The following AASS variants were observed in gnomAD, a reference collection of about 807,000 sequenced individuals.
AASS encodes aminoadipate-semialdehyde synthase.
In AASS, 86 loss-of-function variants were observed where a neutral mutation model predicts 105.4. The observed-to-expected ratio is 0.82, with a 90% CI of 0.69 to 0.98. The LOEUF is 0.98. Among genes scored for constraint, AASS ranks in the 50% least tolerant of loss-of-function variants. The pLI is 0.00. For missense variants in AASS, 1,048 were observed against 1,143.2 expected (o/e 0.92, Z 1.20); for synonymous variants, 381 against 394.8 (o/e 0.96, Z 0.41).
rs201661225 is a variant in AASS at position 122,129,425 on chromosome 7, A to G, written c.323T>C (p.Phe108Ser). The G allele has an allele frequency of 8.1e-6, 13 of 1,613,272 alleles. No individual in the cohort carries two copies. The highest frequency in any genetic ancestry group is 2.7e-5 in the African/African-American group (2 of 74,902). Reference protein sequence around the residue: ...EKLMSRKTYAFFSHTIKAQEA... With the variant: ...EKLMSRKTYASFSHTIKAQEA... ...CTGAGCTTTTATTGTGTGGGAGAAA[A>G]ATGCATAAGTCTTCCTGGACATTAA... Residue 108 changes from phenylalanine to serine, a missense_variant, in exon 3 of 24, where the codon TTT (phenylalanine) becomes TCT (serine). Physicochemically the swap from Phe to Ser is radical, Grantham distance 155. Coordinates refer to ENST00000417368, the MANE Select transcript of AASS (RefSeq NM_005763.4).
In AASS at chr7:122,076,192, A is replaced by C. The variant is rs556870900; in HGVS notation, c.*297T>G. 87 of 321,070 alleles carry C rather than the reference A, an allele frequency of 2.7e-4. No individual in the cohort carries two copies. Among genetic ancestry groups the C allele is most frequent in the Admixed American group, 5.6e-4 (12 of 21,246 alleles). The allele number at this position is 321,070 out of a possible 1,614,324, so 19.9% of individuals were successfully genotyped here. A position where few individuals can be genotyped will look rare whatever the true frequency, so the allele number is the denominator to read the frequency against. On this transcript the variant is annotated 3_prime_UTR_variant, in exon 24 of 24. Transcript: ENST00000417368. ...CCATCTCAAAAAACAACAACAACAA[A>C]AAAAAAACAAAAGAAAAAAAGTGGC...
At chr7:122,114,149 C>T (rs1451544971) in intron 9 of AASS, among the ~76,000 whole-genome samples, 1 of 152,134 alleles carries the variant, frequency 6.6e-6, no homozygotes, top group Non-Finnish European at 1.5e-5. Context: ...GTCCAGCATT[C>T]AAAAAGTTGA....
rs763650407 is a variant in AASS, at chr7:122,093,058, A to G, written c.1756T>C (p.Leu586=). 5 of 1,613,710 alleles carry G rather than the reference A, an allele frequency of 3.1e-6. No individual in the cohort carries two copies. The highest frequency in any genetic ancestry group is 2.2e-5 in the South Asian group (2 of 91,088). The change falls in exon 16 of 24, where the codon TTG becomes CTG. Residue 586 remains leucine (L), a synonymous_variant. Transcript: ENST00000417368. The part of the protein sequence containing the change: ...ASYITPALKE[L]EKSVEDAGIT... ...ATGATTAAAACTTACCTCTTTTCCA[A>G]TTCTTTTAGTGCTGGTGTGATGTAG...
chr7:122,074,595 C>T lies in AASS; in HGVS notation c.*1894G>A, dbSNP rs966756195. Among the ~76,000 whole-genome samples the T allele has an allele frequency of 1.3e-5, 2 of 152,094 alleles. No individual in the cohort carries two copies. Among genetic ancestry groups the T allele is most frequent in the South Asian group, 2.1e-4 (1 of 4,828 alleles). ...TTACGCCATGTTTTCTTTGAAGATA[C>T]TTACAATATTAGCTCTTACATTTAG... On this transcript the variant is annotated 3_prime_UTR_variant, in exon 24 of 24. Transcript: ENST00000417368.
rs867219292 is a variant in AASS at position 122,076,750 on chromosome 7, C to T, written c.2663-143G>A. 61 of 692,950 alleles carry T rather than the reference C, an allele frequency of 8.8e-5. No individual in the cohort carries two copies. In the Middle Eastern group the frequency reaches 1.4e-3, roughly 16 times the overall value. 42.9% of individuals were successfully genotyped at this position (692,950 alleles called of 1,614,324 possible). A position where few individuals can be genotyped will look rare whatever the true frequency, so the allele number is the denominator to read the frequency against. On this transcript the variant is annotated intron_variant, in intron 23 of 23. Coordinates refer to ENST00000417368, the MANE Select transcript of AASS (RefSeq NM_005763.4). Reference sequence around the variant, plus strand: ...CATTTTTTAAGTAGCTGCTTAAAAACGTCCCTTAGTAAATTATTACTTATT... The same window carrying T: ...CATTTTTTAAGTAGCTGCTTAAAAATGTCCCTTAGTAAATTATTACTTATT...
chr7:122,119,270 G>C (rs1293367284), intron 4 of AASS, among the ~76,000 whole-genome samples: 1 of 152,044 alleles, frequency 6.6e-6, no homozygotes, highest in African/African-American at 2.4e-5. Flanking sequence ...TCACCCTCAG[G>C]ATTATGTCCT....
At position 122,086,059 on chromosome 7, in the gene AASS, C is replaced by T. The variant is rs1048008741; in HGVS notation, c.2137G>A (p.Gly713Ser). 6.2e-7 allele frequency: 1 copy of T among 1,613,558 alleles called. No homozygotes were observed. Among genetic ancestry groups the T allele is most frequent in the African/African-American group, 1.3e-5 (1 of 74,938 alleles). The change falls in exon 19 of 24, where the codon GGC (glycine) becomes AGC (serine). Residue 713 changes from glycine to serine, a missense_variant. Gly to Ser is a moderately conservative substitution (Grantham distance 56, BLOSUM62 0). Transcript: ENST00000417368. ...RDSTKYAEIY[G>S]ISSAHTLLRG... Reference sequence around the variant, plus strand: ...AACAAAGTGTGAGCAGAAGAAATGCCATAAATCTCAGCATATTTCGTACTG... The same window carrying T: ...AACAAAGTGTGAGCAGAAGAAATGCTATAAATCTCAGCATATTTCGTACTG...
intron 9 of AASS, among the ~76,000 whole-genome samples, chr7:122,113,958 G>C (rs950459471): frequency 6.9e-6 from 1 of 144,554 alleles, no homozygotes; most frequent in Admixed American, 6.9e-5. Flanking sequence ...AGAAAGAAAA[G>C]AAAAAAGGAA....
At chr7:122,082,812 G>A in intron 19 of AASS, 2 of 1,289,296 alleles carry the variant, frequency 1.6e-6, no homozygotes, top group Non-Finnish European at 2.0e-6. Flanking sequence ...GTGGTTCAAG[G>A]GGAAGGAGTT....
Position 122,099,846 on chromosome 7 carries a change from G to A in AASS, c.1407-980C>T, listed in dbSNP as rs558142984. The stretch of plus-strand genomic sequence containing the variant: ...CCAACACACATATTACTGATGTGAA[G>A]AGGTCTCATTTAACTACTACCATCT... On this transcript the variant is annotated intron_variant, in intron 13 of 23. Transcript: ENST00000417368. Among the ~76,000 whole-genome samples the A allele has an allele frequency of 1.7e-3, 257 of 151,896 alleles. 1 individual carries two copies. The highest frequency in any genetic ancestry group is 3.1e-3 in the Non-Finnish European group (213 of 67,804).
Position 122,118,393 on chromosome 7 carries a change from C to A in AASS, c.601G>T (p.Ala201Ser). 11 of 1,614,174 alleles carry A rather than the reference C, an allele frequency of 6.8e-6. No homozygotes were observed. Among genetic ancestry groups the A allele is most frequent in the Non-Finnish European group, 9.3e-6 (11 of 1,180,016 alleles). ...AAACCCAAAGATATTTCATAGCCAG[C>A]ATCACGGACAGCTTGCACAGCCTGA... The part of the protein sequence containing the change: ...SSQAVQAVRD[A>S]GYEISLGLMP... The change falls in exon 6 of 24, where the codon GCT becomes TCT. Residue 201 changes from alanine (A) to serine (S), a missense_variant. By Grantham distance (99) the Ala-to-Ser change is moderately conservative. Coordinates refer to ENST00000417368, the MANE Select transcript of AASS (RefSeq NM_005763.4).
chr7:122,118,249 T>C lies in AASS; in HGVS notation c.687+58A>G, dbSNP rs1795279661. The C allele has an allele frequency of 1.9e-6, 3 of 1,598,922 alleles. No individual in the cohort carries two copies. In the Admixed American group the frequency reaches 5.0e-5, roughly 27 times the overall value. On this transcript the variant is annotated intron_variant, in intron 6 of 23. Transcript: ENST00000417368. The stretch of plus-strand genomic sequence containing the variant: ...ACCCACAAAATGGCTGCCCACATCA[T>C]TTGGGTTAGTTTCAAAGTTTTGGAT...
At chr7:122,085,166 G>A (rs946097651) in intron 19 of AASS, among the ~76,000 whole-genome samples, 4 of 152,104 alleles carry the variant, frequency 2.6e-5, no homozygotes, top group African/African-American at 9.7e-5. Context: ...CAAATTGGAT[G>A]GATGTGTCTC....
chr7:122,133,821 G>T, intron 1 of AASS, 80 bp from the exon 2 acceptor site: 1 of 1,199,832 alleles, frequency 8.3e-7, no homozygotes, highest in Non-Finnish European at 1.2e-6. Context: ...AGAAATCTGA[G>T]GTAAAATACA....
chr7:122,123,990 C>T (rs1795544602), intron 4 of AASS, among the ~76,000 whole-genome samples: 1 of 152,214 alleles, frequency 6.6e-6, no homozygotes, highest in African/African-American at 2.4e-5. Flanking sequence ...CACCCCCTCA[C>T]TCCTACATCC....
At chr7:122,117,532 G>C (rs1383005970) in intron 6 of AASS, among the ~76,000 whole-genome samples, 1 of 152,046 alleles carries the variant, frequency 6.6e-6, no homozygotes, top group Admixed American at 6.6e-5. Context: ...GTTATCGTGA[G>C]GTCACTTTCA....
chr7:122,098,812 T>G lies in AASS; in HGVS notation c.1461A>C (p.Gly487=). 6.4e-7 allele frequency: 1 copy of G among 1,571,048 alleles called. No homozygotes were observed. Among genetic ancestry groups the G allele is most frequent in the Non-Finnish European group, 8.6e-7 (1 of 1,160,768 alleles). The change falls in exon 14 of 24, where the codon GGA becomes GGC. Residue 487 remains glycine (G), a synonymous_variant. Coordinates refer to ENST00000417368, the MANE Select transcript of AASS (RefSeq NM_005763.4). ...ATACAGGCTCAGATATGTAGCCAGA[T>G]CCAAGAACCAAAACCTTTCTCCTGG... The part of the protein sequence containing the change: ...MGTRRKVLVL[G]SGYISEPVLE...
At position 122,144,214 on chromosome 7, in the gene AASS, C is replaced by T. The variant is rs532423113; in HGVS notation, c.-69G>A. On this transcript the variant is annotated 5_prime_UTR_variant, in exon 1 of 24. Transcript: ENST00000417368. ...CCCCGCCGCCTCGAATCTTCCGAGTCGCTGCAGGGGAGGCTCCGAATTCCT... is the reference window on the plus strand; with the variant it reads ...CCCCGCCGCCTCGAATCTTCCGAGTTGCTGCAGGGGAGGCTCCGAATTCCT... 1 of 152,480 alleles carries T rather than the reference C, an allele frequency of 6.6e-6. No individual in the cohort carries two copies. The highest frequency in any genetic ancestry group is 2.4e-5 in the African/African-American group (1 of 41,474). 9.4% of individuals were successfully genotyped at this position (152,480 alleles called of 1,614,324 possible).
intron 19 of AASS, among the ~76,000 whole-genome samples, chr7:122,085,159 A>T (rs984846430): frequency 6.6e-6 from 1 of 152,168 alleles, no homozygotes; most frequent in African/African-American, 2.4e-5. Context: ...TGATGCACAA[A>T]TTGGATGGAT....
Sources: gnomAD v4.1 joint callset for allele counts (sites outside exome capture counted in the v4.1 genomes callset) on GRCh38, gnomAD v4.1.1 for gene constraint, MANE v1.5 for transcripts, NCBI Gene and HGNC (gene_info 2026-07-23, HGNC 2026-07-21) for gene names.